DLGAP2: variants seen among roughly 807,000 people sequenced by gnomAD.
DLGAP2 encodes the protein DLG associated protein 2, also known as disks large-associated protein 2.
DLGAP2 carries 26 observed loss-of-function variants against 100.3 expected under a neutral mutation model. The ratio of observed to expected loss-of-function variants is 0.26; its 90% CI spans 0.19 to 0.36. The LOEUF (loss-of-function observed/expected upper bound fraction) is 0.36. DLGAP2 is among the 10% of genes least tolerant of loss of function. The probability of loss-of-function intolerance (pLI) is 1.00; values close to 1 mark genes in which losing one functional copy is unlikely to be tolerated. For missense variants in DLGAP2, 1,858 were observed against 1,453.2 expected (o/e 1.28, Z -4.53); for synonymous variants, 886 against 630.1 (o/e 1.41, Z -6.08).
intron 3 of DLGAP2, among the ~76,000 whole-genome samples, chr8:1,278,441 A>T (rs1799750514): frequency 6.6e-6 from 1 of 152,204 alleles, no homozygotes; most frequent in South Asian, 2.1e-4. Flanking sequence ...AAATATCAAG[A>T]AGGATAAATG....
At chr8:1,084,537 C>T (rs1395930792) in intron 2 of DLGAP2, among the ~76,000 whole-genome samples, 2 of 152,316 alleles carry the variant, frequency 1.3e-5, no homozygotes, top group South Asian at 2.1e-4. Flanking sequence ...TCCCTCCCCA[C>T]ATCCCCCAGC....
In DLGAP2 at chr8:1,345,274, T is replaced by G. The variant is rs151140486; in HGVS notation, c.106+86391T>G. 5.2e-3 allele frequency among the ~76,000 whole-genome samples: 784 copies of G among 151,926 alleles called. 5 individuals are homozygous for G. The highest frequency in any genetic ancestry group is 0.017 in the Middle Eastern group (5 of 294). On this transcript the variant is annotated intron_variant, in intron 3 of 14. Coordinates refer to ENST00000637795, the MANE Select transcript of DLGAP2 (RefSeq NM_001346810.2). ...GGGCAGAGTGTGCGGTCTGTTTCTC[T>G]GCTTAAGATGGAGGTTCAGTTCCTT... is the stretch of plus-strand genomic sequence containing the variant.
At chr8:1,647,526 A>T (rs1013675560) in intron 8 of DLGAP2, among the ~76,000 whole-genome samples, 6 of 143,102 alleles carry the variant, frequency 4.2e-5, no homozygotes, top group Admixed American at 1.4e-4. Context: ...AAAAAAAAAA[A>T]GTGCATCTTT....
chr8:1,483,706 G>GCAGGAGGTGGGGACCAGGGAGGCAGGTA (rs1799167025), intron 3 of DLGAP2, among the ~76,000 whole-genome samples: 1 of 151,542 alleles, frequency 6.6e-6, no homozygotes, highest in Non-Finnish European at 1.5e-5. Context: ...GGAGGCAGGT[G>GCAGGAGGTGGGGACCAGGGAGGCAGGTA]CAGGACGTGG....
chr8:1,091,658 G>A lies in DLGAP2; in HGVS notation c.74-167193G>A, dbSNP rs549279187. Among the ~76,000 whole-genome samples, 31 of 152,228 alleles carry A rather than the reference G, an allele frequency of 2.0e-4. 1 individual carries two copies. Among genetic ancestry groups the A allele is most frequent in the Admixed American group, 6.5e-5 (1 of 15,302 alleles). ...AAATGGAGACCTGCATCATGATGCC[G>A]GATGCTATGGAGAGATCATGAGTTG... On this transcript the variant is annotated intron_variant, in intron 2 of 14. Coordinates refer to ENST00000637795, the MANE Select transcript of DLGAP2 (RefSeq NM_001346810.2).
At chr8:1,177,679 T>C (rs951079411) in intron 2 of DLGAP2, among the ~76,000 whole-genome samples, 9 of 152,254 alleles carry the variant, frequency 5.9e-5, no homozygotes, top group African/African-American at 2.2e-4. Flanking sequence ...ATAATAGAAG[T>C]TTATTTCTCA....
chr8:1,531,050 T>C (rs1800973000), intron 4 of DLGAP2, among the ~76,000 whole-genome samples: 1 of 152,238 alleles, frequency 6.6e-6, no homozygotes, highest in South Asian at 2.1e-4. Flanking sequence ...ATGTTTTCTG[T>C]TTAATAAATA....
chr8:1,620,807 G>T (rs1463434892), intron 6 of DLGAP2, among the ~76,000 whole-genome samples: 1 of 152,172 alleles, frequency 6.6e-6, no homozygotes, highest in African/African-American at 2.4e-5. Flanking sequence ...TGAGCTCCCA[G>T]CTCACAAGTC....
At chr8:1,267,837 A>G (rs113978256) in intron 3 of DLGAP2, among the ~76,000 whole-genome samples, 28 of 152,096 alleles carry the variant, frequency 1.8e-4, no homozygotes, top group African/African-American at 6.3e-4. Context: ...GGGAATTCTG[A>G]GCATGGGAAC....
rs1196858588 is a variant in DLGAP2, at chr8:1,315,584, G to A, written c.106+56701G>A. On this transcript the variant is annotated intron_variant, in intron 3 of 14. Transcript: ENST00000637795. ...AAAATAGAGCCTGTACGAGTGCAGC[G>A]TCTCTCCAACAGTGGTCTACACTCG... Among the ~76,000 whole-genome samples the A allele has an allele frequency of 2.4e-3, 325 of 138,058 alleles. 1 individual carries two copies. The highest frequency in any genetic ancestry group is 6.9e-3 in the African/African-American group (257 of 37,044). The allele number at this position is 138,058 out of a possible 152,430, so 90.6% of individuals were successfully genotyped here.
chr8:1,119,438 G>A (rs1047185184), intron 2 of DLGAP2, among the ~76,000 whole-genome samples: 1 of 152,224 alleles, frequency 6.6e-6, no homozygotes, highest in Non-Finnish European at 1.5e-5. Flanking sequence ...ATGACACCAA[G>A]AACATTGCTT....
At chr8:1,105,615 AG>A (rs1487222486) in intron 2 of DLGAP2, among the ~76,000 whole-genome samples, 3 of 49,842 alleles carry the variant, frequency 6.0e-5, no homozygotes, top group African/African-American at 2.0e-4. Context: ...GAGCCATTCT[AG>A]GGTTTTTTTT....
At chr8:867,060 C>T (rs1001507767) in intron 1 of DLGAP2, among the ~76,000 whole-genome samples, 1 of 152,216 alleles carries the variant, frequency 6.6e-6, no homozygotes, top group African/African-American at 2.4e-5. Context: ...GTGCTGTTCA[C>T]CTGTCAGCTG....
chr8:1,549,317 G>T lies in DLGAP2; in HGVS notation c.864G>T (p.Lys288Asn). 2 of 1,612,892 alleles carry T rather than the reference G, an allele frequency of 1.2e-6. No homozygotes were observed. Among genetic ancestry groups the T allele is most frequent in the East Asian group, 2.2e-5 (1 of 44,848 alleles). Reference sequence around the variant, plus strand: ...GCAAGGAGCGCAAGCCGGAGGGCAAGCCCCGGCCCGGCATGAGCAGCTGGT... The same window carrying T: ...GCAAGGAGCGCAAGCCGGAGGGCAATCCCCGGCCCGGCATGAGCAGCTGGT... ...SKSKERKPEG[K>N]PRPGMSSWWS... The change falls in exon 5 of 15, where the codon AAG becomes AAT. Residue 288 changes from lysine (K) to asparagine (N), a missense_variant. Lys to Asn is a moderately conservative substitution (Grantham distance 94). Coordinates refer to ENST00000637795, the MANE Select transcript of DLGAP2 (RefSeq NM_001346810.2).
At chr8:1,182,661 T>C (rs1797414929) in intron 2 of DLGAP2, among the ~76,000 whole-genome samples, 1 of 152,132 alleles carries the variant, frequency 6.6e-6, no homozygotes, top group South Asian at 2.1e-4. Context: ...GCGTGGTGAG[T>C]TGGGCATTGA....
chr8:1,156,610 C>CCCAGCCCAGCGCTCCAGCCCAGCGCT (rs200103260), intron 2 of DLGAP2, among the ~76,000 whole-genome samples: 5 of 27,318 alleles, frequency 1.8e-4, no homozygotes, highest in Admixed American at 3.9e-4. Flanking sequence ...AGCCTAGCGT[C>CCCAGCCCAGCGCTCCAGCCCAGCGCT]CCAGCCCAGC....
chr8:1,697,096 T>C, intron 13 of DLGAP2, 51 bp from the exon 14 acceptor site: 14 of 1,470,378 alleles, frequency 9.5e-6, no homozygotes, highest in Non-Finnish European at 1.2e-5. Context: ...TCCCCAGCCC[T>C]GTGCCCGCAG....
At chr8:887,716 C>T (rs894232797) in intron 1 of DLGAP2, among the ~76,000 whole-genome samples, 11 of 152,180 alleles carry the variant, frequency 7.2e-5, no homozygotes, top group East Asian at 3.9e-4. Context: ...TCTCTTCTGG[C>T]GTGTAGGGTT....
chr8:1,556,603 A>T (rs762004952), intron 5 of DLGAP2, among the ~76,000 whole-genome samples: 9 of 152,124 alleles, frequency 5.9e-5, no homozygotes, highest in Non-Finnish European at 1.0e-4. Context: ...ACCCAACCCA[A>T]AGTACAGCAG....
Sources: allele counts gnomAD v4.1 joint callset (sites outside exome capture counted in the v4.1 genomes callset), GRCh38; gene constraint gnomAD v4.1.1; transcripts MANE v1.5; gene names NCBI Gene and HGNC (gene_info 2026-07-23, HGNC 2026-07-21).